ZBTB8A: variants seen among roughly 807,000 people sequenced by gnomAD.
The protein encoded by ZBTB8A is zinc finger and BTB domain-containing protein 8A.
A neutral mutation model predicts 37.8 loss-of-function variants in ZBTB8A; 19 were observed. That is an observed-to-expected ratio of 0.50 (90% CI 0.35 to 0.74). The LOEUF (loss-of-function observed/expected upper bound fraction) is 0.74, where lower values mean the gene tolerates loss of function less well. ZBTB8A is among the 30% of genes least tolerant of loss of function. The pLI is 0.01. For missense variants in ZBTB8A, 394 were observed against 537.8 expected (o/e 0.73, Z 2.65); for synonymous variants, 181 against 185.2 (o/e 0.98, Z 0.19).
intron 2 of ZBTB8A, among the ~76,000 whole-genome samples, chr1:32,573,432 CT>C (rs113989867): frequency 0.021 from 2,542 of 123,436 alleles, 16 homozygotes; most frequent in East Asian, 0.046. Context: ...CTTTCTTCTT[CT>C]TTTTTTTTTT....
intron 2 of ZBTB8A, among the ~76,000 whole-genome samples, chr1:32,558,725 C>T (rs1644222172): frequency 6.6e-6 from 1 of 152,220 alleles, no homozygotes; most frequent in East Asian, 1.9e-4. Context: ...AAAGGAGACA[C>T]AGATGAAGGA....
intron 4 of ZBTB8A, among the ~76,000 whole-genome samples, chr1:32,598,988 T>C (rs977557908): frequency 2.6e-5 from 4 of 152,136 alleles, no homozygotes; most frequent in Non-Finnish European, 5.9e-5. Flanking sequence ...ATATAATGTT[T>C]TAAATTACTT....
intron 1 of ZBTB8A, among the ~76,000 whole-genome samples, chr1:32,545,904 A>C (rs1180063515): frequency 6.6e-6 from 1 of 152,112 alleles, no homozygotes; most frequent in Non-Finnish European, 1.5e-5. Context: ...CCCTTCTACT[A>C]TGAGTATTTT....
chr1:32,567,957 T>G (rs1644296322), intron 2 of ZBTB8A, among the ~76,000 whole-genome samples: 1 of 151,724 alleles, frequency 6.6e-6, no homozygotes, highest in Admixed American at 6.6e-5. Context: ...CTGGCTAACA[T>G]GGTGAAACCC....
At chr1:32,551,357 G>A (rs1644153821) in intron 1 of ZBTB8A, among the ~76,000 whole-genome samples, 1 of 152,020 alleles carries the variant, frequency 6.6e-6, no homozygotes, top group African/African-American at 2.4e-5. Flanking sequence ...GAGAGGTCAG[G>A]GCCATAATGA....
intron 2 of ZBTB8A, among the ~76,000 whole-genome samples, chr1:32,563,692 C>G (rs755685803): frequency 6.6e-6 from 1 of 152,108 alleles, no homozygotes; most frequent in Non-Finnish European, 1.5e-5. Flanking sequence ...AGGCTGGTCT[C>G]GAACTCCTGA....
chr1:32,552,261 G>C (rs931202302), intron 1 of ZBTB8A, among the ~76,000 whole-genome samples: 2 of 152,296 alleles, frequency 1.3e-5, no homozygotes, highest in African/African-American at 4.8e-5. Flanking sequence ...CTACTTGGTA[G>C]ACTGAAGAGG....
In ZBTB8A at chr1:32,602,398, G is replaced by A. The variant is rs1314766983; in HGVS notation, c.*1979G>A. The A allele has an allele frequency of 6.7e-6, 1 of 149,692 alleles. No homozygotes were observed. Among genetic ancestry groups the A allele is most frequent in the African/African-American group, 2.5e-5 (1 of 40,670 alleles). 9.3% of individuals were successfully genotyped at this position (149,692 alleles called of 1,614,324 possible). A position where few individuals can be genotyped will look rare whatever the true frequency, so the allele number is the denominator to read the frequency against. On this transcript the variant is annotated 3_prime_UTR_variant, in exon 5 of 5. Coordinates refer to ENST00000373510, the MANE Select transcript of ZBTB8A (RefSeq NM_001040441.3). ...ACATTCCAAAATTACAGCTAAATTA[G>A]AGAAGCATTGTTTCAGTTCTAAAGG...
intron 2 of ZBTB8A, among the ~76,000 whole-genome samples, chr1:32,564,346 G>A (rs1306526370): frequency 6.6e-6 from 1 of 152,084 alleles, no homozygotes; most frequent in Non-Finnish European, 1.5e-5. Flanking sequence ...TATAAGCTGT[G>A]ATAAAACCGT....
chr1:32,562,774 G>C (rs1644253544), intron 2 of ZBTB8A, among the ~76,000 whole-genome samples: 1 of 151,520 alleles, frequency 6.6e-6, no homozygotes, highest in African/African-American at 2.4e-5. Flanking sequence ...GTAGAGACGG[G>C]GTTTCACCAT....
At chr1:32,590,381 T>C (rs1262550858) in intron 2 of ZBTB8A, among the ~76,000 whole-genome samples, 1 of 152,130 alleles carries the variant, frequency 6.6e-6, no homozygotes, top group Non-Finnish European at 1.5e-5. Context: ...GACAAACTTT[T>C]TTACCTTCTC....
At chr1:32,574,439 A>C (rs911341928) in intron 2 of ZBTB8A, among the ~76,000 whole-genome samples, 1 of 152,012 alleles carries the variant, frequency 6.6e-6, no homozygotes, top group Non-Finnish European at 1.5e-5. Context: ...TCTACAAAAA[A>C]CTTAAAAATT....
intron 1 of ZBTB8A, among the ~76,000 whole-genome samples, chr1:32,552,339 G>A (rs1485758730): frequency 6.6e-6 from 1 of 152,116 alleles, no homozygotes; most frequent in Non-Finnish European, 1.5e-5. Flanking sequence ...ACTCTAGCCT[G>A]AGTGACAAAG....
chr1:32,563,015 A>G (rs1644254915), intron 2 of ZBTB8A, among the ~76,000 whole-genome samples: 1 of 152,214 alleles, frequency 6.6e-6, no homozygotes, highest in South Asian at 2.1e-4. Flanking sequence ...GTTTCATTTC[A>G]AACAAGGGTA....
At chr1:32,576,916 AG>A (rs1385878935) in intron 2 of ZBTB8A, among the ~76,000 whole-genome samples, 2 of 142,802 alleles carry the variant, frequency 1.4e-5, no homozygotes, top group African/African-American at 5.3e-5. Context: ...TCTGTTATCC[AG>A]GCTGGAGTGC....
At chr1:32,589,214 G>T (rs1006257952) in intron 2 of ZBTB8A, among the ~76,000 whole-genome samples, 2 of 152,046 alleles carry the variant, frequency 1.3e-5, no homozygotes, top group Admixed American at 1.3e-4. Context: ...GAGTCTTGTT[G>T]TGTCACCCAG....
intron 2 of ZBTB8A, among the ~76,000 whole-genome samples, chr1:32,565,304 C>T (rs563757366): frequency 1.8e-4 from 28 of 151,354 alleles, no homozygotes; most frequent in South Asian, 1.1e-3. Context: ...CCAGGCTGGG[C>T]GACAGGGCAA....
rs1178130484 is a variant in ZBTB8A at position 32,570,178 on chromosome 1, T to C, written c.-2+16638T>C. On this transcript the variant is annotated intron_variant, in intron 2 of 4. Coordinates refer to ENST00000373510, the MANE Select transcript of ZBTB8A (RefSeq NM_001040441.3). The stretch of plus-strand genomic sequence containing the variant: ...ACCTTTCCCCATTCAGTGACTGTGA[T>C]ATCTTTGTCAAAAGCCAATTGATAA... 3.3e-5 allele frequency among the ~76,000 whole-genome samples: 5 copies of C among 152,352 alleles called. No individual in the cohort carries two copies. In the Middle Eastern group the frequency reaches 0.01, roughly 311 times the overall value.
At chr1:32,599,599 A>C (rs964942686) in intron 4 of ZBTB8A, among the ~76,000 whole-genome samples, 8 of 151,840 alleles carry the variant, frequency 5.3e-5, no homozygotes, top group Non-Finnish European at 1.0e-4. Context: ...TGCCTGTAAT[A>C]CCAGCTACTC....
Sources: allele counts gnomAD v4.1 joint callset (sites outside exome capture counted in the v4.1 genomes callset), GRCh38; gene constraint gnomAD v4.1.1; transcripts MANE v1.5; gene names NCBI Gene and HGNC (gene_info 2026-07-23, HGNC 2026-07-21).